The following FGF13 variants were observed in gnomAD, a reference collection of about 807,000 sequenced individuals.
FGF13 encodes fibroblast growth factor 13.
FGF13 carries 2 observed loss-of-function variants against 19.5 expected under a neutral mutation model. The ratio of observed to expected loss-of-function variants is 0.10; its 90% CI spans 0.04 to 0.32. The LOEUF (loss-of-function observed/expected upper bound fraction) is 0.32, where lower values mean the gene tolerates loss of function less well. Ranked by LOEUF, FGF13 falls within the 10% of genes least tolerant of loss-of-function variation. The pLI is 1.00. For synonymous variants in FGF13, 72 were observed against 76.9 expected (o/e 0.94, Z 0.33); for missense variants, 113 against 192.7 (o/e 0.59, Z 2.45).
intron 3 of FGF13, among the ~76,000 whole-genome samples, chrX:138,652,709 G>A (rs903137513): frequency 8.9e-6 from 1 of 111,899 alleles, no homozygotes; most frequent in Non-Finnish European, 1.9e-5. Flanking sequence ...CCAAAGAAAC[G>A]AAATAAACCT....
chrX:139,146,269 A>G (rs1170233337), intron 1 of FGF13, among the ~76,000 whole-genome samples: 1 of 112,425 alleles, frequency 8.9e-6, no homozygotes, highest in East Asian at 2.8e-4. Context: ...AAACAAATTT[A>G]CAAGAAAAAA....
intron 3 of FGF13, among the ~76,000 whole-genome samples, chrX:138,839,814 T>G (rs1283909076): frequency 1.8e-5 from 2 of 112,068 alleles, no homozygotes; most frequent in Non-Finnish European, 3.8e-5. Flanking sequence ...GTAAAAGCCA[T>G]CTGGCTTAGA....
rs762426821 is a variant in FGF13 at position 138,858,468 on chromosome X, AG to A, written c.-38-790del. 2.7e-5 allele frequency among the ~76,000 whole-genome samples: 3 copies of A among 112,182 alleles called. No individual in the cohort carries two copies. In the South Asian group the frequency reaches 1.1e-3, roughly 42 times the overall value. ...GCAAAAGCAAGATATTTGCCTTTAT[AG>A]GGTTCACTGCTACATTCTCTATTCT... On this transcript the variant is annotated intron_variant, in intron 2 of 2. Transcript: ENST00000421460.
intron 2 of FGF13, among the ~76,000 whole-genome samples, chrX:138,707,654 A>G (rs748429208): frequency 1.4e-4 from 16 of 112,346 alleles, no homozygotes; most frequent in Non-Finnish European, 3.8e-5. Flanking sequence ...AAACTTTAAT[A>G]TCACAACAGT....
chrX:138,799,613 C>CT lies in FGF13; in HGVS notation c.217+57898dup, dbSNP rs781346933. ...GAGCTGAGTTCAAGTCCTGAATATC[C>CT]TTTTTAATGTTCTGTCTCATTGATC... is the stretch of plus-strand genomic sequence containing the variant. On this transcript the variant is annotated intron_variant, in intron 3 of 6. Transcript: ENST00000436198. Among the ~76,000 whole-genome samples the CT allele has an allele frequency of 1.4e-4, 15 of 111,073 alleles. No homozygotes were observed. The East Asian group carries it at 3.7e-3, about 27-fold the overall frequency.
intron 1 of FGF13, among the ~76,000 whole-genome samples, chrX:139,181,287 A>T (rs1211343111): frequency 8.9e-6 from 1 of 112,412 alleles, no homozygotes; most frequent in Non-Finnish European, 1.9e-5. Context: ...TCTTGATCTC[A>T]GCCATGCTCT....
At chrX:138,748,195 C>G (rs768318953) in intron 3 of FGF13, among the ~76,000 whole-genome samples, 1 of 111,704 alleles carries the variant, frequency 9.0e-6, no homozygotes, top group Non-Finnish European at 1.9e-5. Context: ...TATAATTGCA[C>G]AAAATTTTGA....
At chrX:139,122,706 C>T (rs753845059) in intron 1 of FGF13, among the ~76,000 whole-genome samples, 1 of 111,453 alleles carries the variant, frequency 9.0e-6, no homozygotes, top group Non-Finnish European at 1.9e-5. Context: ...AACCTTTCCC[C>T]TAAGACTTCT....
At chrX:139,077,089 T>C (rs2083337624) in intron 1 of FGF13, among the ~76,000 whole-genome samples, 1 of 111,873 alleles carries the variant, frequency 8.9e-6, no homozygotes, top group African/African-American at 3.3e-5. Context: ...AATTCAGTGT[T>C]CTGCAAAAGA....
In FGF13 at chrX:138,711,712, C is replaced by T. The variant is rs911727116; in HGVS notation, c.-709G>A. 1.9e-5 allele frequency: 14 copies of T among 749,897 alleles called. No homozygotes were observed. Among genetic ancestry groups the T allele is most frequent in the Non-Finnish European group, 1.9e-5 (12 of 636,355 alleles). 61.8% of individuals were successfully genotyped at this position (749,897 alleles called of 1,213,427 possible). ...CCGCCGCAGGCACCCTCCGGAACAG[C>T]GCGACAGCCTCCTTGCAGCCCCCTC... On this transcript the variant is annotated 5_prime_UTR_variant, in exon 1 of 5. Transcript: ENST00000315930.
At chrX:138,896,778 T>G (rs1432105608) in intron 1 of FGF13, among the ~76,000 whole-genome samples, 1 of 111,839 alleles carries the variant, frequency 8.9e-6, no homozygotes, top group Non-Finnish European at 1.9e-5. Flanking sequence ...ATGCCATTCC[T>G]CCTTCCTGGA....
At position 139,069,972 on chromosome X, in the gene FGF13, A is replaced by G. The variant is rs190790191; in HGVS notation, c.-113+133444T>C. On this transcript the variant is annotated intron_variant, in intron 1 of 2. Coordinates refer to the FGF13 transcript ENST00000421460. ...GATCCCTTCCTTACACCTTATACAA[A>G]AAATAACTCAAAATGGATTAAAGAC... Among the ~76,000 whole-genome samples, 7 of 112,336 alleles carry G rather than the reference A, an allele frequency of 6.2e-5. No individual in the cohort carries two copies. In the Admixed American group the frequency reaches 6.6e-4, roughly 11 times the overall value.
In FGF13 at chrX:138,627,015, G is replaced by A. The variant is rs756517139; in HGVS notation, c.*5835C>T. On this transcript the variant is annotated 3_prime_UTR_variant, in exon 5 of 5. Coordinates refer to ENST00000315930, the MANE Select transcript of FGF13 (RefSeq NM_004114.5). ...TGTCCCAGGGTATTAGTGACAGAGA[G>A]GTTTCCATATGTGAAGAACATAAAA... The A allele has an allele frequency of 2.7e-5, 3 of 111,791 alleles. No homozygotes were observed. Among genetic ancestry groups the A allele is most frequent in the Non-Finnish European group, 5.6e-5 (3 of 53,127 alleles). 9.2% of individuals were successfully genotyped at this position (111,791 alleles called of 1,213,427 possible).
intron 1 of FGF13, among the ~76,000 whole-genome samples, chrX:138,944,016 C>T (rs1354869283): frequency 1.8e-5 from 2 of 111,000 alleles, no homozygotes; most frequent in African/African-American, 6.5e-5. Flanking sequence ...TTTTGTATCT[C>T]CTATACTTAA....
intron 1 of FGF13, among the ~76,000 whole-genome samples, chrX:139,061,854 G>A (rs1308955764): frequency 1.8e-5 from 2 of 110,933 alleles, no homozygotes; most frequent in Non-Finnish European, 1.9e-5. Context: ...CCTGTTGGCC[G>A]TTTGTATGTC....
At chrX:139,199,165 G>A (rs774477413) in intron 1 of FGF13, among the ~76,000 whole-genome samples, 39 of 112,424 alleles carry the variant, frequency 3.5e-4, no homozygotes, top group African/African-American at 1.1e-3. Flanking sequence ...CAGAAAATGA[G>A]TTATGCAGAC....
chrX:138,905,201 G>T (rs937109052), intron 1 of FGF13, among the ~76,000 whole-genome samples: 6 of 111,358 alleles, frequency 5.4e-5, no homozygotes, highest in African/African-American at 2.0e-4. Flanking sequence ...CCTAGAGCTT[G>T]CCTGTTCTTT....
At chrX:138,994,978 T>C (rs1157358692) in intron 1 of FGF13, among the ~76,000 whole-genome samples, 1 of 57,045 alleles carries the variant, frequency 1.8e-5, no homozygotes. Context: ...TCAACAACTA[T>C]GTAACCAAAA....
At chrX:139,093,167 T>C (rs1603196163) in intron 1 of FGF13, among the ~76,000 whole-genome samples, 1 of 112,274 alleles carries the variant, frequency 8.9e-6, no homozygotes, top group East Asian at 2.8e-4. Context: ...AAATCATCCC[T>C]ATGAAAAGAG....
Sources: gnomAD v4.1 joint callset for allele counts (sites outside exome capture counted in the v4.1 genomes callset) on GRCh38, gnomAD v4.1.1 for gene constraint, MANE v1.5 for transcripts, NCBI Gene and HGNC (gene_info 2026-07-23, HGNC 2026-07-21) for gene names.